Variants in ADAMTS12 observed in about 807,000 individuals in gnomAD.
ADAMTS12 encodes A disintegrin and metalloproteinase with thrombospondin motifs 12.
In ADAMTS12, 118 loss-of-function variants were observed where a neutral mutation model predicts 167.8. The ratio of observed to expected loss-of-function variants is 0.70; its 90% CI spans 0.61 to 0.82. ADAMTS12 has a LOEUF of 0.82. Ranked by LOEUF, ADAMTS12 falls within the 40% of genes least tolerant of loss-of-function variation. The pLI, the probability that ADAMTS12 is intolerant of heterozygous loss-of-function variation, is 0.00. For synonymous variants in ADAMTS12, 704 were observed against 716.9 expected, an observed-to-expected ratio of 0.98 and a Z score of 0.29; for missense variants, 1,916 against 1,998.8, an observed-to-expected ratio of 0.96 and a Z score of 0.79.
chr5:33,698,490 T>G (rs994124559), intron 3 of ADAMTS12, among the ~76,000 whole-genome samples: 3 of 152,112 alleles, frequency 2.0e-5, no homozygotes, highest in African/African-American at 7.2e-5. Context: ...CAAGGGGGAA[T>G]GAGTGACATC....
chr5:33,781,130 C>T (rs2112441514), intron 2 of ADAMTS12, among the ~76,000 whole-genome samples: 1 of 152,080 alleles, frequency 6.6e-6, no homozygotes, highest in South Asian at 2.1e-4. Flanking sequence ...AGACTTTATG[C>T]TGTAAGGTAA....
chr5:33,883,770 T>C (rs922070442), intron 1 of ADAMTS12, among the ~76,000 whole-genome samples: 2 of 152,146 alleles, frequency 1.3e-5, no homozygotes, highest in Admixed American at 6.5e-5. Flanking sequence ...AAAAGCTTTT[T>C]CGCAAATTCA....
intron 2 of ADAMTS12, among the ~76,000 whole-genome samples, chr5:33,760,564 T>A (rs893478655): frequency 2.6e-5 from 4 of 152,194 alleles, no homozygotes; most frequent in Admixed American, 2.6e-4. Flanking sequence ...CTGACATACA[T>A]GCTGAAGAAA....
chr5:33,534,683 G>A (rs1469344159), intron 23 of ADAMTS12, 150 bp downstream of exon 23: 1 of 1,020,054 alleles, frequency 9.8e-7, no homozygotes, highest in African/African-American at 1.6e-5. Flanking sequence ...CACCAGATCA[G>A]ATAGTTTGTT....
intron 3 of ADAMTS12, among the ~76,000 whole-genome samples, chr5:33,721,238 G>A (rs189631097): frequency 2.0e-5 from 3 of 152,260 alleles, no homozygotes; most frequent in South Asian, 2.1e-4. Flanking sequence ...AAGAGGCCCC[G>A]GAGAGTCTTC....
chr5:33,568,836 C>G (rs1249467530), intron 19 of ADAMTS12, among the ~76,000 whole-genome samples: 1 of 152,210 alleles, frequency 6.6e-6, no homozygotes, highest in Non-Finnish European at 1.5e-5. Flanking sequence ...GTTCCCTTTC[C>G]TGGTCAAGGA....
At chr5:33,633,039 G>A (rs1740023342) in intron 12 of ADAMTS12, among the ~76,000 whole-genome samples, 1 of 151,574 alleles carries the variant, frequency 6.6e-6, no homozygotes, top group African/African-American at 2.4e-5. Context: ...TGCAGAACTG[G>A]CAAATTATGG....
intron 14 of ADAMTS12, among the ~76,000 whole-genome samples, chr5:33,616,655 T>C (rs1356437009): frequency 6.6e-6 from 1 of 152,240 alleles, no homozygotes; most frequent in African/African-American, 2.4e-5. Flanking sequence ...CAGCCTTTTA[T>C]ACTGTTGGAC....
At chr5:33,538,622 A>G (rs1561109462) in intron 22 of ADAMTS12, among the ~76,000 whole-genome samples, 1 of 151,716 alleles carries the variant, frequency 6.6e-6, no homozygotes, top group Non-Finnish European at 1.5e-5. Context: ...CTTCTTTCCT[A>G]CTCTTCCCTC....
At chr5:33,674,623 C>T (rs1475198964) in intron 5 of ADAMTS12, among the ~76,000 whole-genome samples, 3 of 152,064 alleles carry the variant, frequency 2.0e-5, no homozygotes, top group Admixed American at 1.3e-4. Flanking sequence ...GAATAAAACC[C>T]ACTGTATGCA....
intron 17 of ADAMTS12, among the ~76,000 whole-genome samples, chr5:33,589,365 C>G (rs1245749615): frequency 6.6e-6 from 1 of 152,116 alleles, no homozygotes; most frequent in African/African-American, 2.4e-5. Context: ...GCTACTTAAA[C>G]ATAAATTTTT....
At chr5:33,563,266 C>T (rs1745835871) in intron 19 of ADAMTS12, among the ~76,000 whole-genome samples, 1 of 152,166 alleles carries the variant, frequency 6.6e-6, no homozygotes, top group Non-Finnish European at 1.5e-5. Flanking sequence ...TAAACCCATG[C>T]TCTTTGCAAG....
intron 2 of ADAMTS12, among the ~76,000 whole-genome samples, chr5:33,875,555 GAA>G (rs1479472391): frequency 1.3e-5 from 2 of 152,048 alleles, no homozygotes; most frequent in African/African-American, 4.8e-5. Context: ...GGCTAAAGAA[GAA>G]AAGTCACATG....
chr5:33,610,835 G>C (rs1190700940), intron 16 of ADAMTS12, among the ~76,000 whole-genome samples: 1 of 152,200 alleles, frequency 6.6e-6, no homozygotes, highest in African/African-American at 2.4e-5. Context: ...GGGAGGCTGA[G>C]GCAGGTGGAT....
intron 2 of ADAMTS12, among the ~76,000 whole-genome samples, chr5:33,843,071 C>CCTA (rs1221864477): frequency 6.6e-6 from 1 of 152,170 alleles, no homozygotes; most frequent in Admixed American, 6.5e-5. Flanking sequence ...CCCTTCTCTC[C>CCTA]CTACCTTTCC....
At chr5:33,635,314 C>T (rs1375231000) in intron 12 of ADAMTS12, among the ~76,000 whole-genome samples, 1 of 152,128 alleles carries the variant, frequency 6.6e-6, no homozygotes, top group Admixed American at 6.6e-5. Context: ...GTTTTAAAGA[C>T]ATGAACATTG....
At position 33,616,145 on chromosome 5, in the gene ADAMTS12, C is replaced by G. The variant is rs994580491; in HGVS notation, c.2144-73G>C. On this transcript the variant is annotated intron_variant, in intron 14 of 23. Transcript: ENST00000504830. ...CTGAATGCAATCTGTTTGTGACCCA[C>G]TGTTAATCCTCTTTCCAGCCTCCCC... is the stretch of plus-strand genomic sequence containing the variant. The G allele has an allele frequency of 2.6e-6, 4 of 1,555,534 alleles. No homozygotes were observed. The African/African-American group carries it at 5.4e-5, about 21-fold the overall frequency.
At chr5:33,649,440 G>T in intron 8 of ADAMTS12, 114 bp downstream of exon 8, 2 of 1,316,366 alleles carry the variant, frequency 1.5e-6, no homozygotes, top group East Asian at 2.5e-5. Context: ...TGACATGGTG[G>T]CCTGTGGGAT....
At chr5:33,538,842 T>A (rs912877751) in intron 22 of ADAMTS12, among the ~76,000 whole-genome samples, 3 of 152,186 alleles carry the variant, frequency 2.0e-5, no homozygotes, top group Non-Finnish European at 4.4e-5. Context: ...GCACTGAATT[T>A]CCTAATAAAG....
Sources: gnomAD v4.1 joint callset for allele counts (sites outside exome capture counted in the v4.1 genomes callset) on GRCh38, gnomAD v4.1.1 for gene constraint, MANE v1.5 for transcripts, NCBI Gene and HGNC (gene_info 2026-07-23, HGNC 2026-07-21) for gene names.